The following PTPRN2 variants were observed in gnomAD, a reference collection of about 807,000 sequenced individuals.
The protein encoded by PTPRN2 is protein tyrosine phosphatase receptor type N2, also known as receptor-type tyrosine-protein phosphatase N2.
PTPRN2 carries 74 observed loss-of-function variants against 118.8 expected under a neutral mutation model. The ratio of observed to expected loss-of-function variants is 0.62; its 90% confidence interval spans 0.52 to 0.76. The LOEUF is 0.76. Ranked by LOEUF, PTPRN2 falls within the 30% of genes least tolerant of loss-of-function variation. The pLI, the probability that PTPRN2 is intolerant of heterozygous loss-of-function variation, is 0.00. For missense variants in PTPRN2, 1,481 were observed against 1,394.4 expected (o/e 1.06, Z -0.99); for synonymous variants, 641 against 608.0 (o/e 1.05, Z -0.80).
chr7:158,437,948 G>C (rs1017646966), intron 2 of PTPRN2, among the ~76,000 whole-genome samples: 31 of 152,304 alleles, frequency 2.0e-4, no homozygotes, highest in Middle Eastern at 3.4e-3. Flanking sequence ...CAAGTGCTCT[G>C]TGGGTTTCAC....
chr7:158,445,990 G>A (rs920457754), intron 2 of PTPRN2, among the ~76,000 whole-genome samples: 2 of 151,738 alleles, frequency 1.3e-5, no homozygotes, highest in African/African-American at 2.4e-5. Context: ...AGGTAAACCC[G>A]GGCGCCCAGG....
chr7:158,260,514 A>G (rs1041291060), intron 3 of PTPRN2, among the ~76,000 whole-genome samples: 1 of 152,230 alleles, frequency 6.6e-6, no homozygotes, highest in African/African-American at 2.4e-5. Flanking sequence ...AAAAGAGTCT[A>G]TTTGAATAAA....
intron 2 of PTPRN2, among the ~76,000 whole-genome samples, chr7:158,403,311 G>A (rs10949725): frequency 0.43 from 65,732 of 152,094 alleles, 14,786 homozygotes; most frequent in Non-Finnish European, 0.49. Flanking sequence ...CTGCCGTACT[G>A]ATGTGAAAAC....
chr7:158,277,289 T>C (rs1799083107), intron 3 of PTPRN2, among the ~76,000 whole-genome samples: 1 of 152,208 alleles, frequency 6.6e-6, no homozygotes, highest in Non-Finnish European at 1.5e-5. Context: ...CTGCCCACTC[T>C]GTTCGCCATT....
At chr7:158,568,712 T>C (rs761865184) in intron 1 of PTPRN2, among the ~76,000 whole-genome samples, 100 of 152,280 alleles carry the variant, frequency 6.6e-4, no homozygotes, top group Non-Finnish European at 7.6e-4. Context: ...AGACTAATAA[T>C]CTTTTTTAAC....
In PTPRN2 at chr7:157,576,673, A is replaced by T. The variant is rs772990374; in HGVS notation, c.2723T>A (p.Phe908Tyr). 5 of 1,612,622 alleles carry T rather than the reference A, an allele frequency of 3.1e-6. No individual in the cohort carries two copies. The highest frequency in any genetic ancestry group is 4.2e-6 in the Non-Finnish European group (5 of 1,179,374). ...GACTCCTCGGTCATACCAACTCAGG[A>T]AGTGGAACTGCGTCACGGTGCGCGT... is the stretch of plus-strand genomic sequence containing the variant. The part of the protein sequence containing the change: ...NETRTVTQFH[F>Y]LSWYDRGVPS... The change falls in exon 19 of 23, where the codon TTC becomes TAC. Residue 908 changes from phenylalanine (F) to tyrosine (Y), a missense_variant. By Grantham distance (22) the Phe-to-Tyr change is conservative. Around this residue, in one of 3 missense-constraint regions of PTPRN2, gnomAD observed 362 missense variants for 384.1 expected, o/e 0.94. Coordinates refer to ENST00000389418, the MANE Select transcript of PTPRN2 (RefSeq NM_002847.5).
At chr7:157,917,784 C>T (rs1034184020) in intron 11 of PTPRN2, among the ~76,000 whole-genome samples, 2 of 152,018 alleles carry the variant, frequency 1.3e-5, no homozygotes, top group African/African-American at 2.4e-5. Context: ...AAGGGACGGC[C>T]CCAGGTCCTG....
chr7:158,283,879 C>T (rs1205316857), intron 3 of PTPRN2, among the ~76,000 whole-genome samples: 1 of 152,158 alleles, frequency 6.6e-6, no homozygotes, highest in African/African-American at 2.4e-5. Context: ...CCACGTCGTT[C>T]AGAATCGCCA....
chr7:158,210,174 C>T (rs1349214908), intron 3 of PTPRN2, among the ~76,000 whole-genome samples: 4 of 127,488 alleles, frequency 3.1e-5, no homozygotes, highest in African/African-American at 9.5e-5. Flanking sequence ...CTCGCTCTGT[C>T]GCCCAGGCTG....
intron 11 of PTPRN2, among the ~76,000 whole-genome samples, chr7:158,006,642 C>T (rs968494334): frequency 1.3e-5 from 2 of 152,340 alleles, no homozygotes; most frequent in Non-Finnish European, 2.9e-5. Context: ...CATCCCACCC[C>T]TATGGAGATA....
chr7:158,118,006 A>T (rs898408056), intron 9 of PTPRN2, among the ~76,000 whole-genome samples: 1 of 152,188 alleles, frequency 6.6e-6, no homozygotes, highest in Non-Finnish European at 1.5e-5. Context: ...AAAGGCAAAT[A>T]TATGGTGAAT....
At chr7:158,495,178 T>C (rs1273201478) in intron 1 of PTPRN2, among the ~76,000 whole-genome samples, 1 of 152,212 alleles carries the variant, frequency 6.6e-6, no homozygotes, top group East Asian at 1.9e-4. Flanking sequence ...ATGTGATTCC[T>C]GTCAAAGCCA....
rs149362012 is a variant in PTPRN2, at chr7:158,352,646, C to T, written c.164-35714G>A. 2.8e-4 allele frequency among the ~76,000 whole-genome samples: 43 copies of T among 152,254 alleles called. No individual in the cohort carries two copies. The East Asian group carries it at 3.9e-3, about 14-fold the overall frequency. On this transcript the variant is annotated intron_variant, in intron 2 of 22. Coordinates refer to ENST00000389418, the MANE Select transcript of PTPRN2 (RefSeq NM_002847.5). ...CTGGGCCCCACACATTTCAGAGAGG[C>T]GTAATTGGGGTAGGCTGGTATTGGT...
intron 1 of PTPRN2, among the ~76,000 whole-genome samples, chr7:158,547,630 G>A (rs1179388766): frequency 1.3e-5 from 2 of 152,212 alleles, no homozygotes; most frequent in African/African-American, 4.8e-5. Context: ...GACGGAAGAG[G>A]CAGGGACCCT....
At chr7:158,347,903 G>A (rs560491007) in intron 2 of PTPRN2, among the ~76,000 whole-genome samples, 11 of 152,136 alleles carry the variant, frequency 7.2e-5, no homozygotes, top group Non-Finnish European at 1.5e-4. Flanking sequence ...GGAGGTTGTG[G>A]CATTTGCTTG....
At chr7:157,885,722 T>C (rs941652417) in intron 12 of PTPRN2, among the ~76,000 whole-genome samples, 1 of 152,248 alleles carries the variant, frequency 6.6e-6, no homozygotes, top group Non-Finnish European at 1.5e-5. Context: ...GCTAAGGACA[T>C]TTCAGCTTTC....
At chr7:158,170,176 C>T (rs1823410794) in intron 5 of PTPRN2, among the ~76,000 whole-genome samples, 1 of 152,172 alleles carries the variant, frequency 6.6e-6, no homozygotes, top group Non-Finnish European at 1.5e-5. Context: ...GTGAATGCCA[C>T]CACAACAAAC....
At chr7:157,570,434 G>C (rs1478695400) in intron 20 of PTPRN2, among the ~76,000 whole-genome samples, 5 of 152,214 alleles carry the variant, frequency 3.3e-5, no homozygotes, top group Non-Finnish European at 5.9e-5. Context: ...CATGCTTCTT[G>C]ATTGGATTTG....
chr7:158,299,725 T>C (rs925068915), intron 3 of PTPRN2, among the ~76,000 whole-genome samples: 10 of 152,210 alleles, frequency 6.6e-5, no homozygotes, highest in African/African-American at 2.4e-4. Context: ...CTAGAGCTGC[T>C]GGCTGCATTC....
Sources: allele counts gnomAD v4.1 joint callset (sites outside exome capture counted in the v4.1 genomes callset), GRCh38; gene constraint gnomAD v4.1.1; regional missense constraint gnomAD v4.1.1; transcripts MANE v1.5; gene names NCBI Gene and HGNC (gene_info 2026-07-23, HGNC 2026-07-21).